MSH3: variants seen among roughly 807,000 people sequenced by gnomAD.
MSH3 encodes DNA mismatch repair protein Msh3.
Under a neutral mutation model 123.3 loss-of-function variants are expected in MSH3, and 106 were observed. The observed-to-expected ratio is 0.86, with a 90% confidence interval of 0.73 to 1.01. The LOEUF is 1.01. Ranked by LOEUF, MSH3 falls within the 50% of genes least tolerant of loss-of-function variation. MSH3 has a pLI of 0.00. For synonymous variants in MSH3, 515 were observed against 481.4 expected (o/e 1.07, Z -0.91); for missense variants, 1,459 against 1,347.6 (o/e 1.08, Z -1.29).
chr5:80,808,959 A>G (rs1216950479), intron 19 of MSH3, among the ~76,000 whole-genome samples: 1 of 149,312 alleles, frequency 6.7e-6, no homozygotes, highest in Non-Finnish European at 1.5e-5. Flanking sequence ...AAGGCCTTCA[A>G]ATAAGTTTCA....
At chr5:80,844,109 C>T (rs1561496549) in intron 20 of MSH3, among the ~76,000 whole-genome samples, 1 of 152,022 alleles carries the variant, frequency 6.6e-6, no homozygotes. Flanking sequence ...TCTTTGTTCT[C>T]ATAGGTTTCA....
At chr5:80,702,344 C>G (rs556230821) in intron 8 of MSH3, among the ~76,000 whole-genome samples, 18 of 152,168 alleles carry the variant, frequency 1.2e-4, no homozygotes, top group Admixed American at 2.6e-4. Context: ...TGTCCCCAAC[C>G]TTAATGTGAA....
chr5:80,680,232 C>T lies in MSH3; in HGVS notation c.1340+1139C>T, dbSNP rs192403091. Among the ~76,000 whole-genome samples, 575 of 151,846 alleles carry T rather than the reference C, an allele frequency of 3.8e-3. 4 individuals are homozygous for T. Among genetic ancestry groups the T allele is most frequent in the African/African-American group, 0.013 (536 of 41,440 alleles). On this transcript the variant is annotated intron_variant, in intron 8 of 23. Transcript: ENST00000265081. ...CCAAGATCACACCACTTCACTCCAGCCTGGGCGAAAGAGCAAGACTCTTAT... is the reference window on the plus strand; with the variant it reads ...CCAAGATCACACCACTTCACTCCAGTCTGGGCGAAAGAGCAAGACTCTTAT...
chr5:80,802,909 CT>C (rs925883680), intron 19 of MSH3, among the ~76,000 whole-genome samples: 9 of 152,194 alleles, frequency 5.9e-5, no homozygotes, highest in Middle Eastern at 3.4e-3. Context: ...GGATCTTATT[CT>C]TTTTTTATGG....
rs540066262 is a variant in MSH3 at position 80,737,618 on chromosome 5, G to A, written c.1569-3846G>A. Among the ~76,000 whole-genome samples, 6 of 152,266 alleles carry A rather than the reference G, an allele frequency of 3.9e-5. No individual in the cohort carries two copies. In the South Asian group the frequency reaches 1.2e-3, roughly 32 times the overall value. On this transcript the variant is annotated intron_variant, in intron 10 of 23. Coordinates refer to ENST00000265081, the MANE Select transcript of MSH3 (RefSeq NM_002439.5). ...AGAATTGCTTGAGTGTTTCAGGTCA[G>A]TGATCGGATACTATTGGATACCTTA...
chr5:80,657,538 A>G (rs1393821356), intron 2 of MSH3, among the ~76,000 whole-genome samples: 1 of 152,170 alleles, frequency 6.6e-6, no homozygotes, highest in Non-Finnish European at 1.5e-5. Context: ...TGTTGCATAT[A>G]GACAGTTGAG....
intron 20 of MSH3, among the ~76,000 whole-genome samples, chr5:80,826,278 G>A (rs1745297937): frequency 7.2e-5 from 11 of 152,162 alleles, no homozygotes; most frequent in Admixed American, 7.2e-4. Flanking sequence ...TCATGTAATT[G>A]TTTCATTAGA....
intron 2 of MSH3, among the ~76,000 whole-genome samples, chr5:80,657,895 C>T (rs1177993970): frequency 6.6e-6 from 1 of 152,088 alleles, no homozygotes; most frequent in East Asian, 1.9e-4. Flanking sequence ...TGTTACAATT[C>T]TGGGGCAGCC....
At chr5:80,757,385 G>A (rs1351569643) in intron 12 of MSH3, among the ~76,000 whole-genome samples, 1 of 151,980 alleles carries the variant, frequency 6.6e-6, no homozygotes, top group Non-Finnish European at 1.5e-5. Context: ...TTTCACAGTA[G>A]CAACCAGTAG....
intron 12 of MSH3, among the ~76,000 whole-genome samples, chr5:80,749,473 A>G (rs917515808): frequency 2.6e-5 from 4 of 152,206 alleles, no homozygotes; most frequent in Non-Finnish European, 5.9e-5. Flanking sequence ...GGTGCCCACC[A>G]GATTGAGTGT....
At chr5:80,740,897 G>C (rs1743601535) in intron 10 of MSH3, among the ~76,000 whole-genome samples, 1 of 151,584 alleles carries the variant, frequency 6.6e-6, no homozygotes, top group African/African-American at 2.4e-5. Flanking sequence ...ATGTTTTTTA[G>C]TAGAGACGAG....
At chr5:80,734,984 G>A (rs1057350481) in intron 10 of MSH3, among the ~76,000 whole-genome samples, 1 of 152,198 alleles carries the variant, frequency 6.6e-6, no homozygotes. Context: ...CATTTCTCAT[G>A]CAGTTACTTT....
chr5:80,671,553 T>C (rs138813123), intron 4 of MSH3, among the ~76,000 whole-genome samples: 13 of 152,302 alleles, frequency 8.5e-5, no homozygotes, highest in Non-Finnish European at 1.5e-4. Context: ...ACTGTCTAGG[T>C]TAAACGGTAA....
chr5:80,859,271 C>T (rs898380357), intron 21 of MSH3, among the ~76,000 whole-genome samples: 1 of 152,046 alleles, frequency 6.6e-6, no homozygotes, highest in African/African-American at 2.4e-5. Flanking sequence ...CAAGTGTGTG[C>T]CACCACGCCT....
intron 20 of MSH3, 139 bp from the exon 21 acceptor site, chr5:80,853,989 GTT>G (rs1375418512): frequency 1.5e-4 from 104 of 696,836 alleles, no homozygotes; most frequent in Non-Finnish European, 2.2e-4. Flanking sequence ...GTTTTCTTTT[GTT>G]TAATTTAATT....
chr5:80,729,467 T>C (rs1228641145), intron 10 of MSH3, among the ~76,000 whole-genome samples: 21 of 146,578 alleles, frequency 1.4e-4, no homozygotes, highest in African/African-American at 5.3e-4. Context: ...TGTGTATATA[T>C]ATATATATAT....
intron 8 of MSH3, among the ~76,000 whole-genome samples, chr5:80,716,694 A>G (rs1419790637): frequency 6.6e-6 from 1 of 152,202 alleles, no homozygotes; most frequent in Non-Finnish European, 1.5e-5. Flanking sequence ...GGTGTTTAGG[A>G]TACCTGTCAC....
At chr5:80,764,455 A>G (rs1362062453) in intron 13 of MSH3, among the ~76,000 whole-genome samples, 1 of 151,276 alleles carries the variant, frequency 6.6e-6, no homozygotes, top group Non-Finnish European at 1.5e-5. Context: ...AGCTCACTAC[A>G]GCTTCAGCCT....
chr5:80,789,366 C>T (rs999646714), intron 18 of MSH3, among the ~76,000 whole-genome samples: 4 of 147,146 alleles, frequency 2.7e-5, no homozygotes, highest in East Asian at 2.1e-4. Flanking sequence ...ACACTGTAGT[C>T]ACTTTTTTTT....
Sources: allele counts gnomAD v4.1 joint callset (sites outside exome capture counted in the v4.1 genomes callset), GRCh38; gene constraint gnomAD v4.1.1; transcripts MANE v1.5; gene names NCBI Gene and HGNC (gene_info 2026-07-23, HGNC 2026-07-21).